The following RPTOR variants were observed in gnomAD, a reference collection of about 807,000 sequenced individuals.
The protein encoded by RPTOR is regulatory-associated protein of mTOR.
RPTOR carries 21 observed loss-of-function variants against 169.9 expected under a neutral mutation model. That is an observed-to-expected ratio of 0.12 (90% CI 0.09 to 0.18). The LOEUF is 0.18. Ranked by LOEUF, RPTOR falls within the 10% of genes least tolerant of loss-of-function variation. RPTOR has a pLI of 1.00. For missense variants in RPTOR, 1,133 were observed against 1,855.9 expected, an observed-to-expected ratio of 0.61 and a Z score of 7.16; for synonymous variants, 732 against 753.2, an observed-to-expected ratio of 0.97 and a Z score of 0.46.
At position 80,545,761 on chromosome 17, in the gene RPTOR, C is replaced by A. The variant is rs1234688520; in HGVS notation, c.132C>A (p.Ser44=). Residue 44 remains serine (S), a synonymous_variant, in exon 1 of 34, where the codon TCC becomes TCA. Coordinates refer to ENST00000306801, the MANE Select transcript of RPTOR (RefSeq NM_020761.3). The stretch of plus-strand genomic sequence containing the variant: ...GTGAGAAAATTGAAGGCTCCAAATC[C>A]TTAGCTCAGAGCTGGAGGATGAAGG... The part of the protein sequence containing the change: ...RHCEKIEGSK[S]LAQSWRMKDR... The A allele has an allele frequency of 6.2e-7, 1 of 1,613,586 alleles. No homozygotes were observed. Among genetic ancestry groups the A allele is most frequent in the South Asian group, 1.1e-5 (1 of 91,046 alleles).
Position 80,556,798 on chromosome 17 carries a change from A to AG in RPTOR, c.162+11007_162+11008insG, listed in dbSNP as rs397777906. On this transcript the variant is annotated intron_variant, in intron 1 of 33. Coordinates refer to ENST00000306801, the MANE Select transcript of RPTOR (RefSeq NM_020761.3). Reference sequence around the variant, plus strand: ...CTACCCAGATTAAAAAAAAAAAAAAACTTAAAACATGCTGGCCAGGCACGG... The same window carrying AG: ...CTACCCAGATTAAAAAAAAAAAAAAAGCTTAAAACATGCTGGCCAGGCACGG... Among the ~76,000 whole-genome samples, 4 of 150,054 alleles carry AG rather than the reference A, an allele frequency of 2.7e-5. No homozygotes were observed. In the East Asian group the frequency reaches 7.8e-4, roughly 29 times the overall value.
intron 4 of RPTOR, among the ~76,000 whole-genome samples, chr17:80,719,490 G>A (rs967561173): frequency 6.6e-6 from 1 of 152,174 alleles, no homozygotes. Context: ...TCTTCTCAGG[G>A]CTCGTTCCTG....
intron 10 of RPTOR, among the ~76,000 whole-genome samples, chr17:80,843,822 G>A (rs1235512550): frequency 4.6e-5 from 7 of 152,194 alleles, no homozygotes; most frequent in African/African-American, 1.7e-4. Flanking sequence ...GTGTGACTTG[G>A]AGGCTCCCAG....
chr17:80,964,039 G>A (rs1030921430), intron 33 of RPTOR, among the ~76,000 whole-genome samples: 15 of 152,170 alleles, frequency 9.9e-5, no homozygotes, highest in African/African-American at 2.9e-4. Flanking sequence ...AAAAAACCAC[G>A]CAGGGCCCGG....
intron 7 of RPTOR, among the ~76,000 whole-genome samples, chr17:80,814,348 A>T (rs1314259981): frequency 6.6e-6 from 1 of 152,202 alleles, no homozygotes; most frequent in African/African-American, 2.4e-5. Flanking sequence ...AACCATTATT[A>T]ACACTTTGTG....
Position 80,633,902 on chromosome 17 carries a change from T to C in RPTOR, c.265+8109T>C, listed in dbSNP as rs74430615. Among the ~76,000 whole-genome samples the C allele has an allele frequency of 0.028, 4,218 of 152,270 alleles. 203 individuals carry two copies. Among genetic ancestry groups the C allele is most frequent in the African/African-American group, 0.097 (4,007 of 41,512 alleles). ...TTGTTTGCATCATTCGTGGAGCATG[T>C]GCTTACTTTGTCTCATCTAGTCTTT... On this transcript the variant is annotated intron_variant, in intron 2 of 33. Coordinates refer to ENST00000306801, the MANE Select transcript of RPTOR (RefSeq NM_020761.3). This position sits in a 1 kb window ranked among gnomAD's most constrained non-coding sequence, Gnocchi z 4.1.
At chr17:80,929,660 GT>G (rs1374664219) in intron 24 of RPTOR, among the ~76,000 whole-genome samples, 1 of 152,126 alleles carries the variant, frequency 6.6e-6, no homozygotes, top group African/African-American at 2.4e-5. Context: ...TGCACTGCCC[GT>G]CATCAGATCT....
intron 28 of RPTOR, among the ~76,000 whole-genome samples, chr17:80,949,976 C>T (rs758701061): frequency 7.2e-5 from 11 of 152,258 alleles, no homozygotes; most frequent in Non-Finnish European, 1.0e-4. Context: ...CTCACGCGCT[C>T]GCTGGCATGC....
intron 6 of RPTOR, among the ~76,000 whole-genome samples, chr17:80,781,948 C>T (rs1384483071): frequency 6.6e-6 from 1 of 152,232 alleles, no homozygotes; most frequent in East Asian, 1.9e-4. Flanking sequence ...CAGGGCTTGG[C>T]TTTGGGTCAC....
chr17:80,925,522 C>A, intron 24 of RPTOR, 42 bp downstream of exon 24: 1 of 1,459,102 alleles, frequency 6.9e-7, no homozygotes, highest in Non-Finnish European at 9.6e-7. Context: ...TCCTAGCGAA[C>A]ATGTGTCTGT....
At chr17:80,699,971 A>ATTCTT (rs2066070908) in intron 3 of RPTOR, among the ~76,000 whole-genome samples, 1 of 152,168 alleles carries the variant, frequency 6.6e-6, no homozygotes, top group South Asian at 2.1e-4. Context: ...GCATCCAAGA[A>ATTCTT]GGATGCTTTC....
At chr17:80,848,834 T>C (rs1213786788) in intron 11 of RPTOR, among the ~76,000 whole-genome samples, 5 of 152,266 alleles carry the variant, frequency 3.3e-5, no homozygotes, top group South Asian at 2.1e-4. Flanking sequence ...TTTCTTTCAA[T>C]GTTCCCTTGG....
chr17:80,922,111 C>T (rs1384722782), intron 21 of RPTOR, among the ~76,000 whole-genome samples: 1 of 152,236 alleles, frequency 6.6e-6, no homozygotes, highest in Non-Finnish European at 1.5e-5. Context: ...TAAACAGTGG[C>T]CTGCGTGGAG....
In RPTOR at chr17:80,807,517, A is replaced by AT. The variant is rs1450302754; in HGVS notation, c.891-14678dup. 4.6e-5 allele frequency among the ~76,000 whole-genome samples: 7 copies of AT among 152,046 alleles called. No homozygotes were observed. In the South Asian group the frequency reaches 6.2e-4, roughly 14 times the overall value. The stretch of plus-strand genomic sequence containing the variant: ...AGGCACACACCACCACACCTGGCTA[A>AT]TTTTTTGTATTTTTAGTACAGACAG... On this transcript the variant is annotated intron_variant, in intron 7 of 33. Transcript: ENST00000306801.
At chr17:80,872,757 G>A (rs548883873) in intron 13 of RPTOR, among the ~76,000 whole-genome samples, 13 of 152,350 alleles carry the variant, frequency 8.5e-5, no homozygotes, top group East Asian at 5.8e-4. Flanking sequence ...CAGGGGTGAC[G>A]GCTCGCCCTT....
rs1293338456 is a variant in RPTOR, at chr17:80,892,826, G to A, written c.2199G>A (p.Arg733=). The change falls in exon 19 of 34, where the codon AGG becomes AGA. Residue 733 remains arginine, a synonymous_variant. Coordinates refer to ENST00000306801, the MANE Select transcript of RPTOR (RefSeq NM_020761.3). The stretch of plus-strand genomic sequence containing the variant: ...ACATCCGTGCTGTCGCCACAGCCAG[G>A]AGCCTCAACAAATCTTTGCAGAACC... ...YGNIRAVATA[R]SLNKSLQNLS... 1 of 1,614,240 alleles carries A rather than the reference G, an allele frequency of 6.2e-7. No individual in the cohort carries two copies. The highest frequency in any genetic ancestry group is 8.5e-7 in the Non-Finnish European group (1 of 1,180,040).
intron 2 of RPTOR, among the ~76,000 whole-genome samples, chr17:80,630,559 A>G (rs565802330): frequency 5.9e-5 from 9 of 152,280 alleles, no homozygotes; most frequent in Admixed American, 3.3e-4. Flanking sequence ...AAGGCCTTCA[A>G]CTCATTGGAT....
intron 7 of RPTOR, among the ~76,000 whole-genome samples, chr17:80,792,548 C>T (rs988924650): frequency 6.6e-6 from 1 of 152,204 alleles, no homozygotes; most frequent in African/African-American, 2.4e-5. Context: ...GCTAAGTGAG[C>T]AGTCCTCAGC....
chr17:80,814,959 C>T (rs1037392652), intron 7 of RPTOR, among the ~76,000 whole-genome samples: 7 of 152,166 alleles, frequency 4.6e-5, no homozygotes, highest in African/African-American at 7.2e-5. Context: ...TAGGTGTCCC[C>T]TAAGCCAAGA....
Sources: allele counts gnomAD v4.1 joint callset (sites outside exome capture counted in the v4.1 genomes callset), GRCh38; gene constraint gnomAD v4.1.1; non-coding constraint Gnocchi (gnomAD v3.1); transcripts MANE v1.5; gene names NCBI Gene and HGNC (gene_info 2026-07-23, HGNC 2026-07-21).